PSMA3: variants seen among roughly 807,000 people sequenced by gnomAD.
PSMA3 encodes proteasome subunit alpha type-3.
In PSMA3, 8 loss-of-function variants were observed where a neutral mutation model predicts 40.0. The observed-to-expected ratio is 0.20, with a 90% confidence interval of 0.12 to 0.36. PSMA3 has a LOEUF of 0.36. Among genes scored for constraint, PSMA3 ranks in the 10% least tolerant of loss-of-function variants. The pLI is 1.00. For missense variants in PSMA3, 219 were observed against 310.6 expected (o/e 0.70, Z 2.22); for synonymous variants, 110 against 100.0 (o/e 1.10, Z -0.59).
At chr14:58,256,781 AT>A (rs1420490209) in intron 3 of PSMA3, among the ~76,000 whole-genome samples, 1 of 152,198 alleles carries the variant, frequency 6.6e-6, no homozygotes, top group East Asian at 1.9e-4. Context: ...TAAATTTCAG[AT>A]TTTTGGATTA....
intron 1 of PSMA3, among the ~76,000 whole-genome samples, chr14:58,245,853 T>A (rs1889869267): frequency 6.6e-6 from 1 of 152,226 alleles, no homozygotes; most frequent in South Asian, 2.1e-4. Flanking sequence ...GTTCTAAATT[T>A]GATAATAGGC....
chr14:58,258,251 A>G (rs1283374810), intron 5 of PSMA3: 2 of 392,792 alleles, frequency 5.1e-6, no homozygotes, highest in Non-Finnish European at 9.3e-6. Context: ...CAGCCTGGCC[A>G]ACGCAGTGAG....
Position 58,271,858 on chromosome 14 carries a change from TGAAG to T in PSMA3, c.736_739del (p.Glu246LysfsTer27). 1 of 1,599,148 alleles carries T rather than the reference TGAAG, an allele frequency of 6.3e-7. No individual in the cohort carries two copies. The highest frequency in any genetic ancestry group is 8.6e-7 in the Non-Finnish European group (1 of 1,167,064). On this transcript the variant is annotated frameshift_variant, in exon 11 of 11. Coordinates refer to ENST00000216455, the MANE Select transcript of PSMA3 (RefSeq NM_002788.4). LOFTEE classifies it high-confidence loss of function. ...CCTGTTTTCTCTTAACAGGAATCTC[TGAAG>T]GAAGAAGATGAATCAGATGATGATA...
At chr14:58,253,745 C>T (rs1438414395) in intron 3 of PSMA3, among the ~76,000 whole-genome samples, 2 of 152,030 alleles carry the variant, frequency 1.3e-5, no homozygotes, top group Admixed American at 6.5e-5. Flanking sequence ...AGACATACGC[C>T]GCCACACCCA....
At chr14:58,264,430 ACTTGGTTTTC>A (rs375294127) in intron 7 of PSMA3, among the ~76,000 whole-genome samples, 1 of 152,226 alleles carries the variant, frequency 6.6e-6, no homozygotes, top group East Asian at 1.9e-4. Context: ...TTTCTTAAAA[ACTTGGTTTTC>A]CTTTTAGCCA....
chr14:58,255,498 G>A (rs1170041520), intron 3 of PSMA3, among the ~76,000 whole-genome samples: 1 of 152,218 alleles, frequency 6.6e-6, no homozygotes, highest in Middle Eastern at 3.2e-3. Flanking sequence ...GCCAGGTGCA[G>A]TGGCTCACAC....
At chr14:58,258,055 G>A (rs368201736) in intron 5 of PSMA3, 57 bp downstream of exon 5, 39 of 1,352,722 alleles carry the variant, frequency 2.9e-5, no homozygotes, top group African/African-American at 4.3e-5. Context: ...TATTTATTAT[G>A]TTCCCCAGCA....
intron 3 of PSMA3, among the ~76,000 whole-genome samples, chr14:58,253,600 A>T (rs1327505948): frequency 1.3e-5 from 2 of 151,904 alleles, no homozygotes; most frequent in African/African-American, 4.8e-5. Flanking sequence ...ACAGGATTTT[A>T]TTTTATTTTT....
intron 2 of PSMA3, among the ~76,000 whole-genome samples, chr14:58,251,636 G>A (rs1338866439): frequency 1.3e-5 from 2 of 152,070 alleles, no homozygotes; most frequent in African/African-American, 2.4e-5. Context: ...TTTTATATAC[G>A]TATTAGAAGC....
At chr14:58,262,744 G>A (rs1890320705) in intron 6 of PSMA3, among the ~76,000 whole-genome samples, 3 of 151,234 alleles carry the variant, frequency 2.0e-5, no homozygotes, top group African/African-American at 4.9e-5. Flanking sequence ...TGTATTTTTA[G>A]TAGAGACAGA....
intron 3 of PSMA3, among the ~76,000 whole-genome samples, chr14:58,253,413 A>G (rs1478235907): frequency 6.6e-6 from 1 of 152,204 alleles, no homozygotes; most frequent in Non-Finnish European, 1.5e-5. Flanking sequence ...TATGACCCAC[A>G]TCGTTCAGCT....
intron 3 of PSMA3, among the ~76,000 whole-genome samples, chr14:58,257,518 C>T (rs947889204): frequency 6.6e-6 from 1 of 151,662 alleles, no homozygotes; most frequent in Non-Finnish European, 1.5e-5. Context: ...AAGGAAATGT[C>T]CTGAATATGA....
At position 58,271,903 on chromosome 14, in the gene PSMA3, T is replaced by C. The variant is rs1566646924; in HGVS notation, c.*8T>C. The C allele has an allele frequency of 6.4e-7, 1 of 1,565,442 alleles. No homozygotes were observed. Among genetic ancestry groups the C allele is most frequent in the Admixed American group, 1.7e-5 (1 of 59,758 alleles). ...GATGATGATAATATGTAACATTTAC[T>C]CCAGCATCTATTGTATTTTAAATTT... is the stretch of plus-strand genomic sequence containing the variant. On this transcript the variant is annotated 3_prime_UTR_variant, in exon 11 of 11. Coordinates refer to ENST00000216455, the MANE Select transcript of PSMA3 (RefSeq NM_002788.4).
intron 3 of PSMA3, among the ~76,000 whole-genome samples, chr14:58,255,402 C>T (rs899870757): frequency 2.6e-5 from 4 of 152,108 alleles, no homozygotes; most frequent in African/African-American, 9.7e-5. Flanking sequence ...GATGTGGTGG[C>T]ATTGAAAGGA....
At chr14:58,263,102 C>T (rs552830864) in intron 6 of PSMA3, among the ~76,000 whole-genome samples, 1 of 151,856 alleles carries the variant, frequency 6.6e-6, no homozygotes, top group Admixed American at 6.6e-5. Flanking sequence ...CCTGCCTCAG[C>T]CTCTGGAGTA....
intron 3 of PSMA3, 54 bp from the exon 4 acceptor site, chr14:58,257,691 C>T: frequency 6.9e-7 from 1 of 1,452,998 alleles, no homozygotes; most frequent in Non-Finnish European, 9.6e-7. Context: ...TAATTGCAGA[C>T]TTTGATTTGT....
At chr14:58,262,984 C>T (rs955838856) in intron 6 of PSMA3, among the ~76,000 whole-genome samples, 1 of 142,260 alleles carries the variant, frequency 7.0e-6, no homozygotes, top group African/African-American at 2.7e-5. Flanking sequence ...ATGTGTACAT[C>T]CTTTTTTTTT....
chr14:58,253,712 G>T (rs1266464459), intron 3 of PSMA3, among the ~76,000 whole-genome samples: 3 of 152,100 alleles, frequency 2.0e-5, no homozygotes, highest in Non-Finnish European at 4.4e-5. Flanking sequence ...TCCTGCCTCA[G>T]ACTCTCAAGT....
At chr14:58,270,875 G>GC in intron 9 of PSMA3, 59 bp from the exon 10 acceptor site, 1 of 1,393,726 alleles carries the variant, frequency 7.2e-7, no homozygotes, top group Non-Finnish European at 1.0e-6. Context: ...ATGGTATACT[G>GC]CAAGTTACAA....
Sources: gnomAD v4.1 joint callset for allele counts (sites outside exome capture counted in the v4.1 genomes callset) on GRCh38, gnomAD v4.1.1 for gene constraint, MANE v1.5 for transcripts, NCBI Gene and HGNC (gene_info 2026-07-23, HGNC 2026-07-21) for gene names.